Variants in WDPCP observed in about 807,000 individuals in gnomAD.
The protein encoded by WDPCP is WD repeat-containing and planar cell polarity effector protein fritz homolog.
Under a neutral mutation model 93.1 loss-of-function variants are expected in WDPCP, and 71 were observed. That is an observed-to-expected ratio of 0.76 (90% CI 0.63 to 0.93). WDPCP has a LOEUF of 0.93. Ranked by LOEUF, WDPCP falls within the 40% of genes least tolerant of loss-of-function variation. The pLI is 0.00. For synonymous variants in WDPCP, 315 were observed against 315.0 expected (o/e 1.00, Z 0.00); for missense variants, 844 against 887.4 (o/e 0.95, Z 0.62).
At chr2:63,321,482 G>A (rs1482170654) in intron 12 of WDPCP, among the ~76,000 whole-genome samples, 2 of 151,418 alleles carry the variant, frequency 1.3e-5, no homozygotes, top group Non-Finnish European at 2.9e-5. Context: ...CCTCATTTTT[G>A]TCATTCTGGC....
At chr2:63,174,382 G>C (rs1673639693) in intron 15 of WDPCP, among the ~76,000 whole-genome samples, 1 of 151,960 alleles carries the variant, frequency 6.6e-6, no homozygotes, top group South Asian at 2.1e-4. Context: ...ATTAAAGGTA[G>C]CCTAACAATC....
intron 7 of WDPCP, chr2:63,438,066 C>T (rs1697259407): frequency 1.7e-5 from 19 of 1,141,254 alleles, no homozygotes; most frequent in Non-Finnish European, 2.0e-5. Context: ...CATATTATGA[C>T]CAATATGTAC....
chr2:63,290,484 A>G (rs1684332382), intron 13 of WDPCP, among the ~76,000 whole-genome samples: 1 of 49,898 alleles, frequency 2.0e-5, no homozygotes, highest in African/African-American at 2.3e-4. Context: ...AAGACTTAAT[A>G]TTAGTCACAT....
chr2:63,274,505 C>G (rs952224574), intron 13 of WDPCP, among the ~76,000 whole-genome samples: 4 of 151,818 alleles, frequency 2.6e-5, no homozygotes, highest in African/African-American at 9.7e-5. Context: ...AAGATAGAGA[C>G]TAATAAATAA....
chr2:63,838,615 C>T, the WDPCP span, among the ~76,000 whole-genome samples: 1 of 151,302 alleles, frequency 6.6e-6, no homozygotes, highest in Admixed American at 6.6e-5. Flanking sequence ...ATAAATCTAC[C>T]GATGTTACAG....
chr2:63,141,860 G>A (rs745890532), intron 17 of WDPCP, among the ~76,000 whole-genome samples: 1 of 152,112 alleles, frequency 6.6e-6, no homozygotes, highest in Non-Finnish European at 1.5e-5. Context: ...ATTTAAGCTA[G>A]AAGGGCTGTA....
At chr2:63,605,293 G>A (rs768207288) in intron 3 of WDPCP, 15 of 1,613,146 alleles carry the variant, frequency 9.3e-6, no homozygotes, top group Non-Finnish European at 1.2e-5. Flanking sequence ...GTGCAGCAGC[G>A]TGGCGCTGCT....
At chr2:63,453,107 C>A (rs1286114723) in intron 6 of WDPCP, among the ~76,000 whole-genome samples, 1 of 152,170 alleles carries the variant, frequency 6.6e-6, no homozygotes, top group Non-Finnish European at 1.5e-5. Flanking sequence ...TCTAATTAAA[C>A]TAAAGAGCTT....
intron 1 of WDPCP, among the ~76,000 whole-genome samples, chr2:63,555,919 T>A (rs1185795576): frequency 6.6e-6 from 1 of 152,036 alleles, no homozygotes; most frequent in Non-Finnish European, 1.5e-5. Flanking sequence ...AAAAAAATGC[T>A]GAAAAATAAA....
At chr2:63,359,321 G>A (rs1026022021) in intron 12 of WDPCP, among the ~76,000 whole-genome samples, 4 of 152,130 alleles carry the variant, frequency 2.6e-5, no homozygotes, top group African/African-American at 9.7e-5. Flanking sequence ...TTTTTTAGAA[G>A]CATATGTTCA....
chr2:63,283,305 C>A (rs771654894), intron 13 of WDPCP, among the ~76,000 whole-genome samples: 1 of 152,104 alleles, frequency 6.6e-6, no homozygotes, highest in African/African-American at 2.4e-5. Context: ...AAGCCCCTTG[C>A]GTCACTAGGA....
intron 1 of WDPCP, among the ~76,000 whole-genome samples, chr2:63,522,497 A>ACAC (rs1703017960): frequency 3.3e-4 from 24 of 73,764 alleles, no homozygotes; most frequent in African/African-American, 1.2e-3. Flanking sequence ...CACACACACA[A>ACAC]ACATACAAAA....
intron 12 of WDPCP, among the ~76,000 whole-genome samples, chr2:63,362,477 A>G (rs1690560276): frequency 6.6e-6 from 1 of 152,052 alleles, no homozygotes; most frequent in African/African-American, 2.4e-5. Flanking sequence ...AATAGTACCC[A>G]GTACTGCCAG....
chr2:63,306,541 C>T (rs540033493), intron 13 of WDPCP, among the ~76,000 whole-genome samples: 1 of 152,332 alleles, frequency 6.6e-6, no homozygotes, highest in African/African-American at 2.4e-5. Flanking sequence ...GCTTTGTCCA[C>T]CATGATCAAG....
At chr2:63,408,158 T>C (rs1388643521) in intron 9 of WDPCP, among the ~76,000 whole-genome samples, 1 of 152,008 alleles carries the variant, frequency 6.6e-6, no homozygotes, top group Non-Finnish European at 1.5e-5. Context: ...TTAGCCCAGA[T>C]AGACTGCAAG....
At chr2:63,349,246 A>G (rs1323260381) in intron 12 of WDPCP, among the ~76,000 whole-genome samples, 1 of 152,128 alleles carries the variant, frequency 6.6e-6, no homozygotes, top group African/African-American at 2.4e-5. Flanking sequence ...CTTTACTAGA[A>G]ATTTTAACTC....
chr2:63,246,510 T>TA (rs1680286117), intron 14 of WDPCP, among the ~76,000 whole-genome samples: 1 of 152,186 alleles, frequency 6.6e-6, no homozygotes, highest in African/African-American at 2.4e-5. Flanking sequence ...AGAGTAAATA[T>TA]AAAAACACTT....
Position 63,775,360 on chromosome 2 carries a change from T to C in WDPCP, n.308+38262A>G, listed in dbSNP as rs575037305. 1.3e-4 allele frequency among the ~76,000 whole-genome samples: 20 copies of C among 152,316 alleles called. No homozygotes were observed. In the South Asian group the frequency reaches 2.1e-3, roughly 16 times the overall value. On this transcript the variant is annotated intron_variant and non_coding_transcript_variant, in intron 2 of 4. Coordinates refer to the WDPCP transcript ENST00000467687. ...TAATGCGGTCAGCCCATACTGAACA[T>C]TGTTATAACAAACTGCCCTTTGAAA...
At chr2:63,602,427 G>T (rs1709441518) in intron 3 of WDPCP, among the ~76,000 whole-genome samples, 1 of 144,126 alleles carries the variant, frequency 6.9e-6, no homozygotes, top group African/African-American at 2.6e-5. Context: ...TACAGAGAAG[G>T]CCCATGTACC....
Sources: allele counts gnomAD v4.1 joint callset (sites outside exome capture counted in the v4.1 genomes callset), GRCh38; gene constraint gnomAD v4.1.1; transcripts MANE v1.5; gene names NCBI Gene and HGNC (gene_info 2026-07-23, HGNC 2026-07-21).